ZHX3: variants seen among roughly 807,000 people sequenced by gnomAD.
ZHX3 encodes zinc fingers and homeoboxes protein 3.
A neutral mutation model predicts 64.5 loss-of-function variants in ZHX3; 20 were observed. That is an observed-to-expected ratio of 0.31 (90% CI 0.22 to 0.45). The LOEUF is 0.45. Ranked by LOEUF, ZHX3 falls within the 20% of genes least tolerant of loss-of-function variation. ZHX3 has a pLI of 1.00. For missense variants in ZHX3, 1,041 were observed against 1,195.8 expected (o/e 0.87, Z 1.91); for synonymous variants, 423 against 461.6 (o/e 0.92, Z 1.07).
chr20:41,294,456 A>G (rs904949083), intron 1 of ZHX3, among the ~76,000 whole-genome samples: 4 of 151,926 alleles, frequency 2.6e-5, no homozygotes, highest in Non-Finnish European at 4.4e-5. Flanking sequence ...CTGCCTCCTG[A>G]GTTCAAGTGA....
intron 2 of ZHX3, among the ~76,000 whole-genome samples, chr20:41,263,748 A>G (rs933750804): frequency 2.0e-5 from 3 of 152,042 alleles, no homozygotes; most frequent in African/African-American, 7.2e-5. Context: ...GAAATTGAAA[A>G]CCAAAAAACT....
intron 2 of ZHX3, among the ~76,000 whole-genome samples, chr20:41,243,287 G>A (rs752057800): frequency 8.5e-5 from 13 of 152,204 alleles, no homozygotes; most frequent in Admixed American, 5.9e-4. Flanking sequence ...TCATTCTCAA[G>A]AAGTGTAATT....
rs1376931193 is a variant in ZHX3, at chr20:41,226,757, T to C, written c.-150-21691A>G. On this transcript the variant is annotated intron_variant, in intron 2 of 3. Coordinates refer to ENST00000683867, the MANE Select transcript of ZHX3 (RefSeq NM_001384317.1). The surrounding 1 kb of genome is among the most constrained non-coding windows in gnomAD (Gnocchi z 4.4). ...AGGTCAAATTTAAAATTTATTTTAC[T>C]TGTCCAAAAGGGAAGGAAGCTATTA... 2.0e-5 allele frequency among the ~76,000 whole-genome samples: 3 copies of C among 152,188 alleles called. No homozygotes were observed. The highest frequency in any genetic ancestry group is 4.4e-5 in the Non-Finnish European group (3 of 68,024).
chr20:41,205,794 G>A (rs914220954), intron 2 of ZHX3, among the ~76,000 whole-genome samples: 5 of 152,136 alleles, frequency 3.3e-5, no homozygotes, highest in South Asian at 2.1e-4. Context: ...TTCTGTGTAC[G>A]ACCACTCAAA....
At chr20:41,298,199 G>A (rs6102344) in intron 1 of ZHX3, among the ~76,000 whole-genome samples, 2 of 152,190 alleles carry the variant, frequency 1.3e-5, no homozygotes, top group African/African-American at 4.8e-5. Context: ...TGGCACATTA[G>A]GAGCTCGTTG....
chr20:41,256,160 A>T (rs1399716202), intron 2 of ZHX3, among the ~76,000 whole-genome samples: 1 of 152,224 alleles, frequency 6.6e-6, no homozygotes, highest in Non-Finnish European at 1.5e-5. Context: ...AAGCCTTTTT[A>T]GCAGAGGCAC....
chr20:41,214,368 T>C (rs1365670035), intron 2 of ZHX3, among the ~76,000 whole-genome samples: 1 of 152,172 alleles, frequency 6.6e-6, no homozygotes, highest in Non-Finnish European at 1.5e-5. Context: ...AAAAGTGCAG[T>C]GACTGCCTGG....
At chr20:41,186,554 T>C (rs1049722067) in intron 3 of ZHX3, among the ~76,000 whole-genome samples, 2 of 152,248 alleles carry the variant, frequency 1.3e-5, no homozygotes, top group South Asian at 2.1e-4. Flanking sequence ...ATTCACCTTC[T>C]TGAAGAACCA....
At chr20:41,197,306 GTATATATTTAAAATACATATA>G (rs2037809079) in intron 3 of ZHX3, 1 of 140,556 alleles carries the variant, frequency 7.1e-6, no homozygotes, top group Non-Finnish European at 1.5e-5. Context: ...ATATATAATT[GTATATATTTAAAATACATATA>G]TATTTTATAT....
chr20:41,273,190 T>C (rs1220882622), intron 1 of ZHX3, among the ~76,000 whole-genome samples: 3 of 152,212 alleles, frequency 2.0e-5, no homozygotes, highest in Non-Finnish European at 4.4e-5. Flanking sequence ...TTACAAAATG[T>C]CTATTCAAGT....
chr20:41,189,712 C>T lies in ZHX3; in HGVS notation c.2861-4511G>A, dbSNP rs532617306. 2.0e-5 allele frequency among the ~76,000 whole-genome samples: 3 copies of T among 152,206 alleles called. No individual in the cohort carries two copies. In the East Asian group the frequency reaches 5.8e-4, roughly 29 times the overall value. On this transcript the variant is annotated intron_variant, in intron 3 of 3. Coordinates refer to ENST00000683867, the MANE Select transcript of ZHX3 (RefSeq NM_001384317.1). ...CCTGCCACTGTGCTGAATTTGCTTA[C>T]CAGCTTTAAGAGTTTTGGTGGAGCA...
rs143503080 is a variant in ZHX3 at position 41,240,854 on chromosome 20, G to A, written c.-151+28136C>T. On this transcript the variant is annotated intron_variant, in intron 2 of 3. Coordinates refer to ENST00000683867, the MANE Select transcript of ZHX3 (RefSeq NM_001384317.1). ...GCAAATGACAAGATCTCATTCTTTT[G>A]TATCGTTGAATAGTACTTCATTGTG... Among the ~76,000 whole-genome samples, 467 of 152,230 alleles carry A rather than the reference G, an allele frequency of 3.1e-3. 3 individuals are homozygous for A. The highest frequency in any genetic ancestry group is 0.011 in the African/African-American group (445 of 41,542).
chr20:41,291,210 A>G (rs1331317364), intron 1 of ZHX3, among the ~76,000 whole-genome samples: 2 of 152,174 alleles, frequency 1.3e-5, no homozygotes, highest in Non-Finnish European at 2.9e-5. Flanking sequence ...TCTTTCCACA[A>G]CCGAAAGAGA....
intron 2 of ZHX3, among the ~76,000 whole-genome samples, chr20:41,209,879 G>A (rs1381338973): frequency 7.2e-5 from 11 of 152,236 alleles, no homozygotes; most frequent in South Asian, 4.2e-4. Flanking sequence ...TCTGCAAAGC[G>A]AAAGAAACCA....
intron 2 of ZHX3, among the ~76,000 whole-genome samples, chr20:41,217,784 G>C (rs894431121): frequency 6.6e-6 from 1 of 152,176 alleles, no homozygotes; most frequent in Non-Finnish European, 1.5e-5. Context: ...GAGCTATCGA[G>C]CAAGAAAGGG....
rs558261688 is a variant in ZHX3, at chr20:41,224,975, T to A, written c.-150-19909A>T. Among the ~76,000 whole-genome samples the A allele has an allele frequency of 3.2e-4, 48 of 152,350 alleles. 1 individual carries two copies. The South Asian group carries it at 9.3e-3, about 30-fold the overall frequency. ...CTTTCACTTTGGCTAGGCTGTAAGC[T>A]CTGTAAGTAAGGTCAGGGCCTATAT... On this transcript the variant is annotated intron_variant, in intron 2 of 3. Transcript: ENST00000683867. This position sits in a 1 kb window ranked among gnomAD's most constrained non-coding sequence, Gnocchi z 5.2.
In ZHX3 at chr20:41,226,578, A is replaced by G. The variant is rs1478139175; in HGVS notation, c.-150-21512T>C. Among the ~76,000 whole-genome samples the G allele has an allele frequency of 2.6e-5, 4 of 152,106 alleles. No homozygotes were observed. Reference sequence around the variant, plus strand: ...ACTTTTTCTTGTTTAAGCTCTCCACAATCCTATGATGCTGGCAGAGCAGCA... The same window carrying G: ...ACTTTTTCTTGTTTAAGCTCTCCACGATCCTATGATGCTGGCAGAGCAGCA... On this transcript the variant is annotated intron_variant, in intron 2 of 3. Coordinates refer to ENST00000683867, the MANE Select transcript of ZHX3 (RefSeq NM_001384317.1). This position sits in a 1 kb window ranked among gnomAD's most constrained non-coding sequence, Gnocchi z 4.4.
intron 1 of ZHX3, among the ~76,000 whole-genome samples, chr20:41,310,949 C>T (rs1568968559): frequency 6.6e-6 from 1 of 151,830 alleles, no homozygotes; most frequent in African/African-American, 2.4e-5. Context: ...GCTGGGACTA[C>T]AGGCACGTGC....
At chr20:41,213,274 T>C (rs2039293653) in intron 2 of ZHX3, among the ~76,000 whole-genome samples, 1 of 152,174 alleles carries the variant, frequency 6.6e-6, no homozygotes, top group African/African-American at 2.4e-5. Flanking sequence ...ATAGTGGGGA[T>C]GGCTGCACAA....
Sources: gnomAD v4.1 joint callset for allele counts (sites outside exome capture counted in the v4.1 genomes callset) on GRCh38, gnomAD v4.1.1 for gene constraint, Gnocchi (gnomAD v3.1) non-coding constraint, MANE v1.5 for transcripts, NCBI Gene and HGNC (gene_info 2026-07-23, HGNC 2026-07-21) for gene names.